Variants in UTP14A observed in about 807,000 individuals in gnomAD.
The protein encoded by UTP14A is UTP14A small subunit processome component.
UTP14A carries 5 observed loss-of-function variants against 57.2 expected under a neutral mutation model. That is an observed-to-expected ratio of 0.09 (90% CI 0.05 to 0.18). UTP14A has a LOEUF of 0.18. UTP14A is among the 10% of genes least tolerant of loss of function. The pLI, the probability that UTP14A is intolerant of heterozygous loss-of-function variation, is 1.00. For missense variants in UTP14A, 430 were observed against 562.1 expected (o/e 0.76, Z 2.38); for synonymous variants, 169 against 210.9 (o/e 0.80, Z 1.72).
chrX:129,927,616 C>G (rs1930152624), intron 14 of UTP14A, among the ~76,000 whole-genome samples: 1 of 111,860 alleles, frequency 8.9e-6, no homozygotes, highest in South Asian at 3.8e-4. Context: ...AAGCTATTCT[C>G]GTGTCTCAGC....
intron 10 of UTP14A, 195 bp from the exon 11 acceptor site, chrX:129,920,999 G>A: frequency 1.3e-6 from 1 of 748,405 alleles, no homozygotes; most frequent in Non-Finnish European, 1.6e-6. Flanking sequence ...TTGATTCCTT[G>A]AGGACAAAGA....
rs767178615 is a variant in UTP14A at position 129,907,452 on chromosome X, A to G, written c.102+10A>G. On this transcript the variant is annotated intron_variant, in intron 2 of 14. Transcript: ENST00000394422. ...TGAGAGTGAAGATGAGGTGGGTGAC[A>G]ATTGCTAAACTGCCTTCAAAATTAG... 24 of 1,197,226 alleles carry G rather than the reference A, an allele frequency of 2.0e-5. No individual in the cohort carries two copies. The highest frequency in any genetic ancestry group is 2.7e-5 in the Non-Finnish European group (24 of 886,457).
chrX:129,926,373 T>C, intron 14 of UTP14A, 34 bp downstream of exon 14: 2 of 1,134,567 alleles, frequency 1.8e-6, no homozygotes, highest in South Asian at 3.6e-5. Context: ...GCTGCCTGCT[T>C]GTTACTGCCT....
In UTP14A at chrX:129,924,969, T is replaced by C. The variant is rs370535948; in HGVS notation, c.1523T>C (p.Val508Ala). ...EPLLLQRPER[V>A]QTLEELEELG... ...CTGTTGCTACAGAGACCAGAGAGAG[T>C]ACAGACGCTGGAAGAGCTAGAAGAG... The change falls in exon 12 of 15, where the codon GTA becomes GCA. Residue 508 changes from valine to alanine, a missense_variant. By Grantham distance (64) the Val-to-Ala change is moderately conservative (BLOSUM62 0). Coordinates refer to ENST00000394422, the MANE Select transcript of UTP14A (RefSeq NM_006649.4). 2 of 1,208,440 alleles carry C rather than the reference T, an allele frequency of 1.7e-6. No homozygotes were observed. Among genetic ancestry groups the C allele is most frequent in the African/African-American group, 3.5e-5 (2 of 56,640 alleles).
intron 11 of UTP14A, 151 bp downstream of exon 11, chrX:129,921,738 A>G (rs1929924949): frequency 1.7e-6 from 1 of 572,027 alleles, no homozygotes; most frequent in South Asian, 4.4e-5. Context: ...CTGAAGAGAA[A>G]TTAGATTCAT....
At chrX:129,927,832 A>G (rs1930160334) in intron 14 of UTP14A, among the ~76,000 whole-genome samples, 1 of 111,023 alleles carries the variant, frequency 9.0e-6, no homozygotes, top group Admixed American at 9.6e-5. Flanking sequence ...TTACATCCCC[A>G]TTTTCTGCTT....
At position 129,929,752 on chromosome X, in the gene UTP14A, A is replaced by G. The variant is rs747143496; in HGVS notation, c.*144A>G. 9.4e-5 allele frequency: 70 copies of G among 742,519 alleles called. No individual in the cohort carries two copies. In the Middle Eastern group the frequency reaches 1.9e-3, roughly 20 times the overall value. The allele number at this position is 742,519 out of a possible 1,213,427, so 61.2% of individuals were successfully genotyped here. A position where few individuals can be genotyped will look rare whatever the true frequency, so the allele number is the denominator to read the frequency against. On this transcript the variant is annotated 3_prime_UTR_variant, in exon 15 of 15. Coordinates refer to ENST00000394422, the MANE Select transcript of UTP14A (RefSeq NM_006649.4). ...TAAAAATAAAGGCATTTTTTAATCT[A>G]TTTACCTGGAGTATATGTTGCATTG...
intron 12 of UTP14A, 116 bp from the exon 13 acceptor site, chrX:129,925,803 A>AT (rs1930082680): frequency 1.1e-6 from 1 of 905,760 alleles, no homozygotes; most frequent in African/African-American, 2.0e-5. Context: ...CAAGACCATC[A>AT]TTGTTCAGCA....
At position 129,918,673 on chromosome X, in the gene UTP14A, C is replaced by T. The variant is rs749160104; in HGVS notation, c.538-502C>T. 6.3e-5 allele frequency among the ~76,000 whole-genome samples: 7 copies of T among 110,482 alleles called. No homozygotes were observed. The South Asian group carries it at 2.7e-3, about 42-fold the overall frequency. On this transcript the variant is annotated intron_variant, in intron 6 of 14. Coordinates refer to ENST00000394422, the MANE Select transcript of UTP14A (RefSeq NM_006649.4). ...CGGGCGGATCACGAGGTCAGGAGAT[C>T]GAGACCATCCCGGCTAACACGGTGA...
At chrX:129,909,564 T>C (rs1929389269) in intron 4 of UTP14A, among the ~76,000 whole-genome samples, 1 of 111,185 alleles carries the variant, frequency 9.0e-6, no homozygotes, top group South Asian at 3.8e-4. Context: ...CCCCAGGAAA[T>C]CAAGTCCTAA....
chrX:129,918,609 G>A (rs907830796), intron 6 of UTP14A, among the ~76,000 whole-genome samples: 6 of 111,292 alleles, frequency 5.4e-5, no homozygotes, highest in African/African-American at 2.0e-4. Flanking sequence ...CCGGCGCGGT[G>A]GCTCACGCCT....
intron 14 of UTP14A, among the ~76,000 whole-genome samples, chrX:129,928,778 C>T (rs1930210383): frequency 9.1e-6 from 1 of 109,547 alleles, no homozygotes; most frequent in Non-Finnish European, 1.9e-5. Flanking sequence ...AAATATCAAT[C>T]CTAAGAGAGG....
intron 1 of UTP14A, among the ~76,000 whole-genome samples, chrX:129,906,891 C>CT (rs1337473371): frequency 9.0e-6 from 1 of 111,005 alleles, no homozygotes; most frequent in Non-Finnish European, 1.9e-5. Context: ...GATTAGGCTG[C>CT]CTATCAATGA....
Position 129,920,451 on chromosome X carries a change from C to T in UTP14A, c.753-6C>T, listed in dbSNP as rs780427804. Reference sequence around the variant, plus strand: ...ATTGCTAAACTCTTCCCTCCTACCCCTACAGGTATCACAAAGTCGTGAAGA... The same window carrying T: ...ATTGCTAAACTCTTCCCTCCTACCCTTACAGGTATCACAAAGTCGTGAAGA... On this transcript the variant is annotated splice_region_variant and splice_polypyrimidine_tract_variant and intron_variant, in intron 8 of 14. Transcript: ENST00000394422. The T allele has an allele frequency of 1.7e-5, 20 of 1,210,511 alleles. No homozygotes were observed. The highest frequency in any genetic ancestry group is 2.1e-5 in the Non-Finnish European group (19 of 895,379).
At chrX:129,919,526 A>ATGACTTTCTTCTGT in intron 8 of UTP14A, 37 bp downstream of exon 8, 1 of 1,182,989 alleles carries the variant, frequency 8.5e-7, no homozygotes, top group Non-Finnish European at 1.1e-6. Context: ...TGGGTTCCAC[A>ATGACTTTCTTCTGT]GAAGAAAGTC....
At position 129,915,544 on chromosome X, in the gene UTP14A, G is replaced by A. The variant is rs993947218; in HGVS notation, c.537+3623G>A. ...TGTCTCAAAAAAAAAAAAAAAAAAAGGCTATGAAACAATGGTGAAGACACC... is the reference window on the plus strand; with the variant it reads ...TGTCTCAAAAAAAAAAAAAAAAAAAAGCTATGAAACAATGGTGAAGACACC... On this transcript the variant is annotated intron_variant, in intron 6 of 14. Coordinates refer to ENST00000394422, the MANE Select transcript of UTP14A (RefSeq NM_006649.4). Among the ~76,000 whole-genome samples, 14 of 100,562 alleles carry A rather than the reference G, an allele frequency of 1.4e-4. 1 individual carries two copies. Among genetic ancestry groups the A allele is most frequent in the African/African-American group, 5.6e-4 (14 of 24,906 alleles). 87.3% of individuals were successfully genotyped at this position (100,562 alleles called of 115,157 possible). A position where few individuals can be genotyped will look rare whatever the true frequency, so the allele number is the denominator to read the frequency against.
chrX:129,913,520 T>G (rs747275334), intron 6 of UTP14A: 1 of 283,921 alleles, frequency 3.5e-6, no homozygotes. Flanking sequence ...ACCACTTGCA[T>G]AAGTTTGCTG....
In UTP14A at chrX:129,921,504, G is replaced by C. The variant is rs1186010196; in HGVS notation, c.1265G>C (p.Arg422Thr). Residue 422 changes from arginine (R) to threonine (T), a missense_variant, in exon 11 of 15, where the codon AGA becomes ACA. Arg to Thr is a moderately conservative substitution (Grantham distance 71). This residue lies in a region of UTP14A where 120 missense variants were observed against 116.8 expected (regional missense o/e 1.03). Transcript: ENST00000394422. ...GTGGCAGAAGAAGAAATTTTGTTGA[G>C]AGAATTTGAGGAAAGGCGATCCCTT... is the stretch of plus-strand genomic sequence containing the variant. The part of the protein sequence containing the change: ...RPVAEEEILL[R>T]EFEERRSLRK... 1 of 1,209,660 alleles carries C rather than the reference G, an allele frequency of 8.3e-7. No homozygotes were observed. Among genetic ancestry groups the C allele is most frequent in the Non-Finnish European group, 1.1e-6 (1 of 895,253 alleles).
chrX:129,927,865 CTG>C (rs1278310418), intron 14 of UTP14A, among the ~76,000 whole-genome samples: 3 of 111,695 alleles, frequency 2.7e-5, no homozygotes, highest in African/African-American at 9.8e-5. Context: ...CCTTTGGCCA[CTG>C]GGGAAGTGTT....
Sources: allele counts gnomAD v4.1 joint callset (sites outside exome capture counted in the v4.1 genomes callset), GRCh38; gene constraint gnomAD v4.1.1; regional missense constraint gnomAD v4.1.1; transcripts MANE v1.5; gene names NCBI Gene and HGNC (gene_info 2026-07-23, HGNC 2026-07-21).